Variants in ATP10B observed in about 807,000 individuals in gnomAD.
ATP10B encodes phospholipid-transporting ATPase VB.
Under a neutral mutation model 141.2 loss-of-function variants are expected in ATP10B, and 122 were observed. That is an observed-to-expected ratio of 0.86 (90% confidence interval 0.75 to 1.00). ATP10B has a LOEUF of 1.00. ATP10B is among the 50% of genes least tolerant of loss of function. The pLI is 0.00. For synonymous variants in ATP10B, 685 were observed against 692.0 expected (o/e 0.99, Z 0.16); for missense variants, 1,876 against 1,825.3 (o/e 1.03, Z -0.51).
At chr5:160,859,903 G>A in the ATP10B span, among the ~76,000 whole-genome samples, 1 of 151,968 alleles carries the variant, frequency 6.6e-6, no homozygotes, top group Admixed American at 6.6e-5. Flanking sequence ...CACGAACACA[G>A]TGATAGTATC....
chr5:160,907,917 G>A, the ATP10B span, among the ~76,000 whole-genome samples: 9 of 152,296 alleles, frequency 5.9e-5, no homozygotes, highest in South Asian at 8.3e-4. Flanking sequence ...AAGCTGGTGC[G>A]CCTCCTCCAT....
rs369359263 is a variant in ATP10B, at chr5:160,841,078, A to G, written c.-576+10863T>C. Among the ~76,000 whole-genome samples, 116 of 152,300 alleles carry G rather than the reference A, an allele frequency of 7.6e-4. 3 individuals carry two copies. In the South Asian group the frequency reaches 0.022, roughly 29 times the overall value. Reference sequence around the variant, plus strand: ...ACATGCATCTGTCTTTCATCTCAGCAGCCCATTTCTAGGAATTTATCCTGA... The same window carrying G: ...ACATGCATCTGTCTTTCATCTCAGCGGCCCATTTCTAGGAATTTATCCTGA... On this transcript the variant is annotated intron_variant, in intron 1 of 25. Coordinates refer to ENST00000327245, the MANE Select transcript of ATP10B (RefSeq NM_025153.3).
chr5:160,767,832 G>A (rs1404820720), intron 2 of ATP10B, among the ~76,000 whole-genome samples: 1 of 152,044 alleles, frequency 6.6e-6, no homozygotes, highest in Admixed American at 6.6e-5. Flanking sequence ...TCCACTATGA[G>A]TAGACAAATG....
At chr5:160,916,115 C>G in the ATP10B span, among the ~76,000 whole-genome samples, 118 of 152,256 alleles carry the variant, frequency 7.8e-4, no homozygotes, top group Non-Finnish European at 8.8e-4. Flanking sequence ...TGGTATATCC[C>G]TAGTCTACAG....
chr5:160,572,936 A>T, intron 24 of ATP10B, among the ~76,000 whole-genome samples: 1 of 152,232 alleles, frequency 6.6e-6, no homozygotes, highest in Admixed American at 6.5e-5. Context: ...GACCTCTTTC[A>T]TCTTGAACAC....
chr5:160,770,027 C>T (rs1276509681), intron 2 of ATP10B, among the ~76,000 whole-genome samples: 1 of 152,158 alleles, frequency 6.6e-6, no homozygotes, highest in African/African-American at 2.4e-5. Flanking sequence ...TCTTTTAAAG[C>T]CCACGAGAGC....
intron 6 of ATP10B, among the ~76,000 whole-genome samples, chr5:160,674,742 T>C (rs1049558193): frequency 6.6e-6 from 1 of 151,530 alleles, no homozygotes; most frequent in Non-Finnish European, 1.5e-5. Context: ...AGCTATGAGA[T>C]CCATATGACT....
At chr5:160,893,733 C>T in the ATP10B span, among the ~76,000 whole-genome samples, 80 of 152,316 alleles carry the variant, frequency 5.3e-4, no homozygotes, top group African/African-American at 1.9e-3. Flanking sequence ...CACTGATCCC[C>T]GTGCCTCCTA....
intron 2 of ATP10B, among the ~76,000 whole-genome samples, chr5:160,770,180 C>T (rs1043895144): frequency 1.3e-5 from 2 of 151,854 alleles, no homozygotes; most frequent in South Asian, 2.1e-4. Flanking sequence ...CTCTCTCTGT[C>T]CCTCTCTATC....
chr5:160,568,969 C>T (rs1219946492), intron 25 of ATP10B, among the ~76,000 whole-genome samples: 1 of 152,180 alleles, frequency 6.6e-6, no homozygotes, highest in Non-Finnish European at 1.5e-5. Flanking sequence ...AGTATTTAAA[C>T]ACTGGCAATT....
At chr5:160,902,263 A>G in the ATP10B span, among the ~76,000 whole-genome samples, 2 of 152,234 alleles carry the variant, frequency 1.3e-5, no homozygotes, top group African/African-American at 4.8e-5. Flanking sequence ...TTGCATTGGT[A>G]ATACCTCAAA....
intron 2 of ATP10B, among the ~76,000 whole-genome samples, chr5:160,783,680 T>G (rs1023960375): frequency 1.3e-5 from 2 of 151,486 alleles, no homozygotes; most frequent in African/African-American, 4.9e-5. Context: ...AATTGCAAAT[T>G]GTGCTGCTAT....
chr5:160,760,985 A>G (rs1175308357), intron 2 of ATP10B, among the ~76,000 whole-genome samples: 1 of 152,000 alleles, frequency 6.6e-6, no homozygotes, highest in East Asian at 1.9e-4. Context: ...CAATAGCCCC[A>G]CCCATCACCT....
the ATP10B span, among the ~76,000 whole-genome samples, chr5:160,883,542 A>C: frequency 6.6e-6 from 1 of 152,204 alleles, no homozygotes; most frequent in Non-Finnish European, 1.5e-5. Context: ...AAGCACTAGA[A>C]GTATAACAAA....
chr5:160,864,407 A>C, the ATP10B span, among the ~76,000 whole-genome samples: 1 of 152,058 alleles, frequency 6.6e-6, no homozygotes, highest in Non-Finnish European at 1.5e-5. Context: ...CCCTCAACAT[A>C]ATTGGCATAG....
At chr5:160,801,703 G>A (rs1337561232) in intron 1 of ATP10B, among the ~76,000 whole-genome samples, 1 of 152,162 alleles carries the variant, frequency 6.6e-6, no homozygotes, top group Non-Finnish European at 1.5e-5. Context: ...TCAATGCCTA[G>A]GAAGAGCTCA....
chr5:160,741,602 C>T (rs1231596435), intron 2 of ATP10B, among the ~76,000 whole-genome samples: 1 of 152,142 alleles, frequency 6.6e-6, no homozygotes, highest in Non-Finnish European at 1.5e-5. Flanking sequence ...ATGAGAAAAT[C>T]ATTTATTAGG....
chr5:160,874,597 G>A, the ATP10B span, among the ~76,000 whole-genome samples: 1 of 152,064 alleles, frequency 6.6e-6, no homozygotes, highest in Non-Finnish European at 1.5e-5. Context: ...AGCTACAGGA[G>A]GACATTCAAA....
At position 160,578,096 on chromosome 5, in the gene ATP10B, T is replaced by C. The variant is rs555050071; in HGVS notation, c.3751-8413A>G. ...AAAGGAAGAATTTAATCTACTTGCATCAACTATGAGTACTGATATATTTCA... is the reference window on the plus strand; with the variant it reads ...AAAGGAAGAATTTAATCTACTTGCACCAACTATGAGTACTGATATATTTCA... On this transcript the variant is annotated intron_variant, in intron 24 of 25. Transcript: ENST00000327245. Among the ~76,000 whole-genome samples the C allele has an allele frequency of 2.6e-5, 4 of 152,314 alleles. No individual in the cohort carries two copies. In the South Asian group the frequency reaches 8.3e-4, roughly 32 times the overall value.
Sources: gnomAD v4.1 joint callset for allele counts (sites outside exome capture counted in the v4.1 genomes callset) on GRCh38, gnomAD v4.1.1 for gene constraint, MANE v1.5 for transcripts, NCBI Gene and HGNC (gene_info 2026-07-23, HGNC 2026-07-21) for gene names.